Variants in XPR1 observed in about 807,000 individuals in gnomAD.
XPR1 encodes solute carrier family 53 member 1.
A neutral mutation model predicts 87.5 loss-of-function variants in XPR1; 28 were observed. The ratio of observed to expected loss-of-function variants is 0.32; its 90% CI spans 0.24 to 0.44. XPR1 has a LOEUF of 0.44. Ranked by LOEUF, XPR1 falls within the 20% of genes least tolerant of loss-of-function variation. XPR1 has a pLI of 1.00. For missense variants in XPR1, 559 were observed against 862.3 expected, an observed-to-expected ratio of 0.65 and a Z score of 4.41; for synonymous variants, 300 against 306.1, an observed-to-expected ratio of 0.98 and a Z score of 0.21.
At chr1:180,730,023 G>GT (rs1190060323) in intron 2 of XPR1, among the ~76,000 whole-genome samples, 4 of 152,122 alleles carry the variant, frequency 2.6e-5, no homozygotes, top group African/African-American at 9.7e-5. Context: ...ATTGTTTTAG[G>GT]TTTTACATAT....
At chr1:180,772,048 A>G (rs1407429242) in intron 2 of XPR1, among the ~76,000 whole-genome samples, 4 of 152,174 alleles carry the variant, frequency 2.6e-5, no homozygotes, top group Non-Finnish European at 5.9e-5. Context: ...TACATTTATT[A>G]ATTAGAATTA....
chr1:180,853,610 T>G (rs1651936479), intron 11 of XPR1, among the ~76,000 whole-genome samples: 1 of 145,138 alleles, frequency 6.9e-6, no homozygotes, highest in South Asian at 2.2e-4. Context: ...TTTGGGTATT[T>G]TGTTATTAGA....
intron 2 of XPR1, among the ~76,000 whole-genome samples, chr1:180,762,414 A>C (rs1648079078): frequency 1.3e-5 from 2 of 152,150 alleles, no homozygotes; most frequent in South Asian, 4.1e-4. Context: ...AAATAGAAAA[A>C]CTGCATAAAG....
intron 1 of XPR1, among the ~76,000 whole-genome samples, chr1:180,653,339 C>T (rs912184860): frequency 2.6e-5 from 4 of 152,124 alleles, no homozygotes; most frequent in Admixed American, 6.5e-5. Context: ...ATATACAAAT[C>T]TAATGGTATA....
chr1:180,827,878 T>C (rs1650907406), intron 9 of XPR1, among the ~76,000 whole-genome samples: 1 of 59,648 alleles, frequency 1.7e-5, no homozygotes, highest in Non-Finnish European at 2.8e-5. Context: ...TTTTTTTCTT[T>C]AATTTTTTTT....
At chr1:180,766,766 C>G (rs1648302345) in intron 2 of XPR1, among the ~76,000 whole-genome samples, 1 of 151,914 alleles carries the variant, frequency 6.6e-6, no homozygotes, top group South Asian at 2.1e-4. Flanking sequence ...ATTTTGTATC[C>G]CTAACTTAGC....
At position 180,719,236 on chromosome 1, in the gene XPR1, TA is replaced by T. The variant is rs1224340784; in HGVS notation, c.121+36826del. Among the ~76,000 whole-genome samples, 3 of 152,226 alleles carry T rather than the reference TA, an allele frequency of 2.0e-5. 1 individual carries two copies. The highest frequency in any genetic ancestry group is 7.2e-5 in the African/African-American group (3 of 41,446). On this transcript the variant is annotated intron_variant, in intron 2 of 14. Transcript: ENST00000367590. ...ATTCTGGAAACACTAGTTAAATGTT[TA>T]TGTGATAATTTCATAATGATTATCA...
intron 2 of XPR1, among the ~76,000 whole-genome samples, chr1:180,761,668 T>C (rs1489986603): frequency 6.6e-6 from 1 of 152,182 alleles, no homozygotes; most frequent in African/African-American, 2.4e-5. Flanking sequence ...TTTACACTGT[T>C]GGTGGGACTG....
At chr1:180,720,780 AC>A (rs1658156114) in intron 2 of XPR1, among the ~76,000 whole-genome samples, 1 of 152,142 alleles carries the variant, frequency 6.6e-6, no homozygotes. Context: ...GATTTAGAAT[AC>A]TATTGCCTTT....
At chr1:180,649,242 A>G (rs1655214663) in intron 1 of XPR1, among the ~76,000 whole-genome samples, 2 of 151,576 alleles carry the variant, frequency 1.3e-5, no homozygotes, top group Non-Finnish European at 2.9e-5. Context: ...TGCCTAAGAC[A>G]CTGAAACCCC....
intron 2 of XPR1, among the ~76,000 whole-genome samples, chr1:180,718,045 A>G (rs1658056954): frequency 6.6e-6 from 1 of 152,186 alleles, no homozygotes; most frequent in African/African-American, 2.4e-5. Context: ...TTTCTTTGGT[A>G]TGAGCCAGTA....
chr1:180,740,110 G>A (rs369029136), intron 2 of XPR1, among the ~76,000 whole-genome samples: 8 of 152,046 alleles, frequency 5.3e-5, no homozygotes, highest in Admixed American at 2.6e-4. Flanking sequence ...TTGTCTACAC[G>A]GTCATCTTGT....
At chr1:180,714,045 T>TC (rs71121046) in intron 2 of XPR1, among the ~76,000 whole-genome samples, 152,370 of 152,376 alleles carry the variant, frequency 1, 76,182 homozygotes, top group Middle Eastern at 1. Flanking sequence ...GTTTAGGTTA[T>TC]TGTTTTTTCT....
Position 180,834,620 on chromosome 1 carries a change from C to T in XPR1, c.1135-254C>T, listed in dbSNP as rs538872991. On this transcript the variant is annotated intron_variant, in intron 9 of 14. Transcript: ENST00000367590. Reference sequence around the variant, plus strand: ...ATTTTTGCAAAGAATTAGCAGCATCCATGCTGTTTTCTAACTATAGTTATT... The same window carrying T: ...ATTTTTGCAAAGAATTAGCAGCATCTATGCTGTTTTCTAACTATAGTTATT... Among the ~76,000 whole-genome samples, 254 of 152,316 alleles carry T rather than the reference C, an allele frequency of 1.7e-3. 1 individual carries two copies. Among genetic ancestry groups the T allele is most frequent in the African/African-American group, 6.0e-3 (248 of 41,550 alleles).
intron 11 of XPR1, among the ~76,000 whole-genome samples, chr1:180,848,750 TC>T (rs1283195147): frequency 6.6e-6 from 1 of 152,180 alleles, no homozygotes; most frequent in African/African-American, 2.4e-5. Flanking sequence ...CATACTGCTC[TC>T]CATAGTGACT....
intron 4 of XPR1, among the ~76,000 whole-genome samples, chr1:180,804,496 T>C (rs1304156212): frequency 6.6e-6 from 1 of 152,204 alleles, no homozygotes. Flanking sequence ...AGAGACCTTA[T>C]GCACTATTTT....
intron 11 of XPR1, among the ~76,000 whole-genome samples, chr1:180,840,580 A>G (rs867618606): frequency 0.31 from 40,811 of 130,596 alleles, 6,696 homozygotes; most frequent in Non-Finnish European, 0.38. Flanking sequence ...ATATATATAT[A>G]TATATATATA....
At chr1:180,727,569 A>G (rs1295759460) in intron 2 of XPR1, among the ~76,000 whole-genome samples, 8 of 152,114 alleles carry the variant, frequency 5.3e-5, no homozygotes, top group African/African-American at 1.9e-4. Flanking sequence ...ACTTGAACCC[A>G]GGAGGCAGAG....
intron 11 of XPR1, among the ~76,000 whole-genome samples, chr1:180,860,511 A>G (rs1342425945): frequency 1.3e-5 from 2 of 152,200 alleles, no homozygotes; most frequent in African/African-American, 4.8e-5. Context: ...AAGTAATACT[A>G]TTTAGCAAGA....
Sources: allele counts gnomAD v4.1 joint callset (sites outside exome capture counted in the v4.1 genomes callset), GRCh38; gene constraint gnomAD v4.1.1; transcripts MANE v1.5; gene names NCBI Gene and HGNC (gene_info 2026-07-23, HGNC 2026-07-21).